Variants in NADSYN1 observed in about 807,000 individuals in gnomAD.
NADSYN1 encodes the protein glutamine-dependent NAD(+) synthetase.
NADSYN1 carries 80 observed loss-of-function variants against 99.3 expected under a neutral mutation model. That is an observed-to-expected ratio of 0.81 (90% CI 0.67 to 0.97). The LOEUF is 0.97. Among genes scored for constraint, NADSYN1 ranks in the 50% least tolerant of loss-of-function variants. NADSYN1 has a pLI of 0.00. For missense variants in NADSYN1, 859 were observed against 948.5 expected (o/e 0.91, Z 1.24); for synonymous variants, 385 against 372.1 (o/e 1.03, Z -0.40).
intron 3 of NADSYN1, among the ~76,000 whole-genome samples, chr11:71,462,850 C>T (rs1949559143): frequency 6.6e-6 from 1 of 152,204 alleles, no homozygotes; most frequent in African/African-American, 2.4e-5. Flanking sequence ...TGGCCCAAAC[C>T]TCCTGTCGGG....
intron 5 of NADSYN1, among the ~76,000 whole-genome samples, chr11:71,468,357 G>A (rs1949607034): frequency 6.6e-6 from 1 of 152,166 alleles, no homozygotes; most frequent in African/African-American, 2.4e-5. Flanking sequence ...TAAAAAGTAG[G>A]CCAGCCCTAA....
chr11:71,490,442 T>C (rs764776029), intron 16 of NADSYN1, among the ~76,000 whole-genome samples: 3 of 152,146 alleles, frequency 2.0e-5, no homozygotes, highest in Admixed American at 1.3e-4. Flanking sequence ...TAGTGAGAGA[T>C]GGATTCTTCT....
At chr11:71,484,921 A>C (rs1242901808) in intron 15 of NADSYN1, 3 of 192,888 alleles carry the variant, frequency 1.6e-5, no homozygotes, top group African/African-American at 6.9e-5. Flanking sequence ...ACGTGAGTGC[A>C]CAGTTGTGTG....
intron 18 of NADSYN1, among the ~76,000 whole-genome samples, chr11:71,496,093 G>A (rs1292950839): frequency 6.6e-6 from 1 of 152,160 alleles, no homozygotes; most frequent in East Asian, 1.9e-4. Flanking sequence ...GGCTCAGGAG[G>A]ACAGCAGACA....
At chr11:71,462,890 G>C (rs1368374355) in intron 3 of NADSYN1, among the ~76,000 whole-genome samples, 1 of 152,176 alleles carries the variant, frequency 6.6e-6, no homozygotes, top group Non-Finnish European at 1.5e-5. Flanking sequence ...AGTGCCCCCA[G>C]CCAGGCCGCC....
intron 16 of NADSYN1, among the ~76,000 whole-genome samples, chr11:71,486,962 C>T (rs192633098): frequency 5.3e-5 from 8 of 152,050 alleles, no homozygotes; most frequent in East Asian, 1.9e-4. Flanking sequence ...CCCATCACCA[C>T]GCCTGGCTAA....
intron 1 of NADSYN1, 140 bp downstream of exon 1, chr11:71,453,521 C>A: frequency 1.4e-6 from 1 of 726,722 alleles, no homozygotes; most frequent in Non-Finnish European, 2.3e-6. Context: ...AGATAATGGG[C>A]AATGACCCCG....
In NADSYN1 at chr11:71,463,478, C is replaced by G; in HGVS notation, c.310C>G (p.Leu104Val). 1.2e-6 allele frequency: 2 copies of G among 1,613,998 alleles called. No individual in the cohort carries two copies. The highest frequency in any genetic ancestry group is 1.7e-6 in the Non-Finnish European group (2 of 1,179,916). Reference sequence around the variant, plus strand: ...CCGCTACAACTGCAGAGTGATATTCCTCAACAGGTAGGCCCCCTGCCCCCA... The same window carrying G: ...CCGCTACAACTGCAGAGTGATATTCGTCAACAGGTAGGCCCCCTGCCCCCA... ...NVRYNCRVIF[L>V]NRKILLIRPK... The change falls in exon 4 of 21, where the codon CTC becomes GTC. Residue 104 changes from leucine (L) to valine (V), a missense_variant. Physicochemically the swap from Leu to Val is conservative, Grantham distance 32. Coordinates refer to ENST00000319023, the MANE Select transcript of NADSYN1 (RefSeq NM_018161.5).
rs552095488 is a variant in NADSYN1, at chr11:71,491,400, C to T, written c.1694+424C>T. On this transcript the variant is annotated intron_variant, in intron 17 of 20. Transcript: ENST00000319023. Reference sequence around the variant, plus strand: ...TCTTTGCTTATCCTCACTGGAGTGACTGTGCCCCCCAGGGGACATCAGGCA... The same window carrying T: ...TCTTTGCTTATCCTCACTGGAGTGATTGTGCCCCCCAGGGGACATCAGGCA... 3.9e-5 allele frequency among the ~76,000 whole-genome samples: 6 copies of T among 152,142 alleles called. No homozygotes were observed. The East Asian group carries it at 1.2e-3, about 30-fold the overall frequency.
chr11:71,477,652 C>T (rs1949678314), intron 9 of NADSYN1, among the ~76,000 whole-genome samples: 1 of 152,252 alleles, frequency 6.6e-6, no homozygotes, highest in African/African-American at 2.4e-5. Context: ...CCGCAATTGG[C>T]AGAACCCCTA....
At chr11:71,500,377 C>A (rs903259287) in intron 20 of NADSYN1, among the ~76,000 whole-genome samples, 3 of 31,950 alleles carry the variant, frequency 9.4e-5, no homozygotes, top group African/African-American at 2.4e-4. Flanking sequence ...CATCTGGGAC[C>A]GTTGACCCCC....
intron 1 of NADSYN1, 104 bp downstream of exon 1, chr11:71,453,485 C>T: frequency 9.2e-7 from 1 of 1,089,318 alleles, no homozygotes; most frequent in Non-Finnish European, 1.4e-6. Context: ...CTGGGAAACT[C>T]TCGGCCCTGG....
intron 5 of NADSYN1, among the ~76,000 whole-genome samples, chr11:71,465,162 G>A (rs998302099): frequency 1.3e-5 from 2 of 152,132 alleles, no homozygotes; most frequent in Non-Finnish European, 2.9e-5. Context: ...TTATAGCATT[G>A]TGCTGGAGGG....
chr11:71,462,776 TC>T (rs1949558696), intron 3 of NADSYN1, among the ~76,000 whole-genome samples: 1 of 152,198 alleles, frequency 6.6e-6, no homozygotes, highest in Non-Finnish European at 1.5e-5. Flanking sequence ...CCTGTGCTTT[TC>T]TTCGACACTG....
Position 71,480,805 on chromosome 11 carries a change from G to C in NADSYN1, c.924G>C (p.Ser308=), listed in dbSNP as rs76770512. Residue 308 remains serine, a synonymous_variant, in exon 11 of 21, where the codon TCG becomes TCC. Coordinates refer to ENST00000319023, the MANE Select transcript of NADSYN1 (RefSeq NM_018161.5). The part of the protein sequence containing the change: ...YPRVKVDFAL[S]CHEDLLAPIS... ...GAGTGAAGGTGGACTTTGCCCTCTC[G>C]TGCCACGAGGACTTGCTGGCACCCA... 3,205 of 1,614,154 alleles carry C rather than the reference G, an allele frequency of 2.0e-3. 67 individuals carry two copies. The African/African-American group carries it at 0.039, about 19-fold the overall frequency.
chr11:71,455,638 A>G (rs190336651), intron 2 of NADSYN1, among the ~76,000 whole-genome samples: 95 of 152,348 alleles, frequency 6.2e-4, no homozygotes, highest in Admixed American at 1.3e-3. Context: ...CCCTTCTACC[A>G]TGTGAGGACA....
chr11:71,472,872 G>A (rs539301808), intron 6 of NADSYN1, among the ~76,000 whole-genome samples: 1 of 152,346 alleles, frequency 6.6e-6, no homozygotes, highest in East Asian at 1.9e-4. Context: ...AATTCTAAGG[G>A]AAGGCACCCT....
chr11:71,488,077 A>AT (rs897015047), intron 16 of NADSYN1, among the ~76,000 whole-genome samples: 1 of 151,788 alleles, frequency 6.6e-6, no homozygotes, highest in African/African-American at 2.4e-5. Flanking sequence ...TGTAGTGTTG[A>AT]TTTTTTTAAA....
rs199828225 is a variant in NADSYN1, at chr11:71,490,831, C to T, written c.1563-14C>T. ...CCCCTTGGGAACCCGCGCTCTTTCT[C>T]CCTCTCCCTGCAGTCTCCTGGGCTA... On this transcript the variant is annotated splice_polypyrimidine_tract_variant and intron_variant, in intron 16 of 20. Coordinates refer to ENST00000319023, the MANE Select transcript of NADSYN1 (RefSeq NM_018161.5). 11 of 1,613,836 alleles carry T rather than the reference C, an allele frequency of 6.8e-6. No individual in the cohort carries two copies. The East Asian group carries it at 2.2e-4, about 33-fold the overall frequency.
Sources: allele counts gnomAD v4.1 joint callset (sites outside exome capture counted in the v4.1 genomes callset), GRCh38; gene constraint gnomAD v4.1.1; transcripts MANE v1.5; gene names NCBI Gene and HGNC (gene_info 2026-07-23, HGNC 2026-07-21).